LMF1: variants seen among roughly 807,000 people sequenced by gnomAD.
LMF1 encodes lipase maturation factor 1, also known as transmembrane protein 112.
LMF1 carries 68 observed loss-of-function variants against 60.6 expected under a neutral mutation model. The observed-to-expected ratio is 1.12, with a 90% CI of 0.92 to 1.37. The LOEUF (loss-of-function observed/expected upper bound fraction) is 1.37, where lower values mean the gene tolerates loss of function less well. Ranked by LOEUF, LMF1 falls within the 40% of genes most tolerant of loss-of-function variation. The pLI, the probability that LMF1 is intolerant of heterozygous loss-of-function variation, is 0.00. For missense variants in LMF1, 948 were observed against 767.2 expected (o/e 1.24, Z -2.78); for synonymous variants, 418 against 324.7 (o/e 1.29, Z -3.09).
chr16:877,799 G>A (rs781057069), intron 6 of LMF1, among the ~76,000 whole-genome samples: 4 of 152,124 alleles, frequency 2.6e-5, no homozygotes, highest in African/African-American at 4.8e-5. Context: ...CCCACAGGAC[G>A]CGTCTCTGAG....
intron 10 of LMF1, among the ~76,000 whole-genome samples, chr16:858,902 TCGGGACGGGTGTGCAGTGGTGTCA>T (rs1567134922): frequency 1.6e-3 from 37 of 22,642 alleles, no homozygotes; most frequent in Non-Finnish European, 2.4e-3. Flanking sequence ...CAGTGGTGTC[TCGGGACGGGTGTGCAGTGGTGTCA>T]CGGGACGGGT....
At chr16:855,274 G>T in intron 10 of LMF1, 1 of 252,254 alleles carries the variant, frequency 4.0e-6, no homozygotes, top group Non-Finnish European at 7.9e-6. Flanking sequence ...CCTGAGACGT[G>T]CAGATGCTGG....
At chr16:964,054 C>T (rs1322301947) in intron 1 of LMF1, 3 of 456,052 alleles carry the variant, frequency 6.6e-6, no homozygotes, top group Admixed American at 4.7e-5. Flanking sequence ...GACCTGGGAG[C>T]TGCAACGAGG....
chr16:886,206 A>G (rs148157569), intron 5 of LMF1, among the ~76,000 whole-genome samples: 43 of 152,302 alleles, frequency 2.8e-4, no homozygotes, highest in African/African-American at 9.4e-4. Flanking sequence ...TAAGGGGCGC[A>G]TGGAGGATGG....
intron 5 of LMF1, among the ~76,000 whole-genome samples, chr16:884,733 C>T (rs550962776): frequency 2.0e-5 from 3 of 151,280 alleles, no homozygotes; most frequent in East Asian, 2.0e-4. Context: ...AGAATGATCA[C>T]GGATGGAAAC....
chr16:904,126 G>C (rs1179825469), intron 4 of LMF1: 1 of 113,268 alleles, frequency 8.8e-6, no homozygotes, highest in Non-Finnish European at 1.6e-5. Context: ...ACTGCCTGTG[G>C]GGACGCCTGT....
intron 10 of LMF1, among the ~76,000 whole-genome samples, chr16:861,830 G>C (rs1398640747): frequency 6.6e-6 from 1 of 152,188 alleles, no homozygotes; most frequent in African/African-American, 2.4e-5. Flanking sequence ...CGGATCCGAT[G>C]GTTAGAGCAG....
intron 5 of LMF1, among the ~76,000 whole-genome samples, chr16:885,794 C>T (rs1179730411): frequency 6.6e-6 from 1 of 152,130 alleles, no homozygotes; most frequent in Non-Finnish European, 1.5e-5. Flanking sequence ...TCTCAATCTC[C>T]CTTATCTCAA....
chr16:875,026 G>A (rs1234773625), intron 6 of LMF1, among the ~76,000 whole-genome samples: 2 of 152,146 alleles, frequency 1.3e-5, no homozygotes, highest in African/African-American at 2.4e-5. Context: ...TGTCTTCCAA[G>A]GGGGGACGCC....
chr16:980,917 G>T (rs1420240911), intron 1 of LMF1: 1 of 152,032 alleles, frequency 6.6e-6, no homozygotes, highest in African/African-American at 2.4e-5. Context: ...CGAGCCCTAG[G>T]TCACGCCCGG....
rs546658286 is a variant in LMF1 at position 917,382 on chromosome 16, G to C, written c.515-6303C>G. On this transcript the variant is annotated intron_variant, in intron 3 of 10. Coordinates refer to ENST00000262301, the MANE Select transcript of LMF1 (RefSeq NM_022773.4). ...CCACGTGAAGAAATGCCACACGTGT[G>C]CGCTGCGGGCGGGCGCAGGCCCACG... Among the ~76,000 whole-genome samples the C allele has an allele frequency of 4.6e-5, 5 of 108,456 alleles. 1 individual carries two copies. The highest frequency in any genetic ancestry group is 2.4e-4 in the African/African-American group (5 of 20,564). The allele number at this position is 108,456 out of a possible 152,430, so 71.2% of individuals were successfully genotyped here.
rs975431860 is a variant in LMF1 at position 954,395 on chromosome 16, C to T, written c.465G>A (p.Trp155Ter). Residue 155 changes from tryptophan (W) to a stop codon, truncating the protein, a stop_gained, in exon 2 of 11, where the codon TGG becomes TGA. Transcript: ENST00000262301. LOFTEE classifies it high-confidence loss of function. ...CATTAACCAGGGACATGTAGAGGCCCCACAGGGCAGCCATGAGAAGCATGT... is the reference window on the plus strand; with the variant it reads ...CATTAACCAGGGACATGTAGAGGCCTCACAGGGCAGCCATGAGAAGCATGT... ...CANMLLMAALWGLYMSLVNVG... is the reference protein window; with the variant it reads ...CANMLLMAAL The T allele has an allele frequency of 3.1e-6, 5 of 1,612,962 alleles. No individual in the cohort carries two copies. The highest frequency in any genetic ancestry group is 4.2e-6 in the Non-Finnish European group (5 of 1,179,758).
chr16:927,484 G>A (rs1431636543), intron 3 of LMF1, among the ~76,000 whole-genome samples: 3 of 152,390 alleles, frequency 2.0e-5, no homozygotes, highest in South Asian at 2.1e-4. Flanking sequence ...TCGGCCTACC[G>A]GTTGCAGCCC....
At chr16:868,575 G>A (rs905456831) in intron 10 of LMF1, among the ~76,000 whole-genome samples, 1 of 152,184 alleles carries the variant, frequency 6.6e-6, no homozygotes, top group African/African-American at 2.4e-5. Flanking sequence ...GGGGCTCCTG[G>A]AGTGAGGGCC....
intron 1 of LMF1, among the ~76,000 whole-genome samples, chr16:978,791 G>C (rs758003674): frequency 6.6e-6 from 1 of 152,072 alleles, no homozygotes; most frequent in Non-Finnish European, 1.5e-5. Context: ...CCTGGATGAA[G>C]ACATGGGCCC....
chr16:879,981 CA>C (rs2070116503), intron 5 of LMF1, among the ~76,000 whole-genome samples: 1 of 152,184 alleles, frequency 6.6e-6, no homozygotes, highest in Non-Finnish European at 1.5e-5. Context: ...CATCTAAAAG[CA>C]AAGAATACAC....
intron 2 of LMF1, among the ~76,000 whole-genome samples, chr16:951,751 C>T (rs1411889955): frequency 6.6e-6 from 1 of 152,218 alleles, no homozygotes; most frequent in Non-Finnish European, 1.5e-5. Context: ...GGCGGCGGAA[C>T]CTCACACCTC....
chr16:879,068 G>A (rs1238406770), intron 6 of LMF1, among the ~76,000 whole-genome samples: 1 of 152,056 alleles, frequency 6.6e-6, no homozygotes, highest in Non-Finnish European at 1.5e-5. Flanking sequence ...GTGACTGTGG[G>A]CAGGACGGGG....
At chr16:912,096 C>G (rs934252105) in intron 3 of LMF1, among the ~76,000 whole-genome samples, 5 of 152,164 alleles carry the variant, frequency 3.3e-5, no homozygotes, top group African/African-American at 1.2e-4. Context: ...CCCTCCTGGG[C>G]TCTGAGGATG....
Sources: gnomAD v4.1 joint callset for allele counts (sites outside exome capture counted in the v4.1 genomes callset) on GRCh38, gnomAD v4.1.1 for gene constraint, MANE v1.5 for transcripts, NCBI Gene and HGNC (gene_info 2026-07-23, HGNC 2026-07-21) for gene names.